Variants in TTC28 observed in about 807,000 individuals in gnomAD.
The protein encoded by TTC28 is tetratricopeptide repeat protein 28.
A neutral mutation model predicts 198.0 loss-of-function variants in TTC28; 61 were observed. The ratio of observed to expected loss-of-function variants is 0.31; its 90% CI spans 0.25 to 0.38. TTC28 has a LOEUF of 0.38. Among genes scored for constraint, TTC28 ranks in the 10% least tolerant of loss-of-function variants. The probability of loss-of-function intolerance (pLI) is 1.00; values close to 1 mark genes in which losing one functional copy is unlikely to be tolerated. For missense variants in TTC28, 2,678 were observed against 3,164.0 expected, an observed-to-expected ratio of 0.85 and a Z score of 3.69; for synonymous variants, 1,171 against 1,297.8, an observed-to-expected ratio of 0.90 and a Z score of 2.10.
chr22:27,996,401 T>C, intron 16 of TTC28, 142 bp from the exon 17 acceptor site: 2 of 1,237,230 alleles, frequency 1.6e-6, no homozygotes, highest in Non-Finnish European at 1.1e-6. Flanking sequence ...CAGGCTGGCC[T>C]GGGGCATCTG....
chr22:28,068,512 C>G (rs912945304), intron 12 of TTC28, among the ~76,000 whole-genome samples: 5 of 152,108 alleles, frequency 3.3e-5, no homozygotes, highest in African/African-American at 9.7e-5. Context: ...TCTTTTTTCC[C>G]TGTTTTTTAG....
intron 6 of TTC28, among the ~76,000 whole-genome samples, chr22:28,143,071 G>A (rs1208420056): frequency 1.3e-5 from 2 of 152,156 alleles, no homozygotes; most frequent in African/African-American, 4.8e-5. Context: ...TGTCACATGT[G>A]AACTGAAGCA....
intron 12 of TTC28, among the ~76,000 whole-genome samples, chr22:28,049,369 A>G (rs1323652066): frequency 6.6e-6 from 1 of 152,246 alleles, no homozygotes. Flanking sequence ...GTGGCTTTGC[A>G]GCAACTGTAA....
intron 6 of TTC28, among the ~76,000 whole-genome samples, chr22:28,144,194 T>C (rs1943406647): frequency 6.6e-6 from 1 of 152,206 alleles, no homozygotes; most frequent in African/African-American, 2.4e-5. Context: ...CTTAATTCTA[T>C]TTTACATCTT....
intron 5 of TTC28, among the ~76,000 whole-genome samples, chr22:28,184,570 T>A (rs997927974): frequency 2.0e-5 from 3 of 152,032 alleles, no homozygotes; most frequent in African/African-American, 4.8e-5. Context: ...GTTACATTTT[T>A]AAATTTTTTT....
At chr22:28,036,830 A>C (rs963978583) in intron 12 of TTC28, among the ~76,000 whole-genome samples, 2 of 152,208 alleles carry the variant, frequency 1.3e-5, no homozygotes, top group African/African-American at 4.8e-5. Flanking sequence ...AAAATGATAA[A>C]GGGGATATCA....
At chr22:28,472,468 C>T (rs970330646) in intron 2 of TTC28, among the ~76,000 whole-genome samples, 2 of 151,320 alleles carry the variant, frequency 1.3e-5, no homozygotes, top group African/African-American at 4.9e-5. Flanking sequence ...TAGACATTTG[C>T]TTACTAATAG....
intron 2 of TTC28, among the ~76,000 whole-genome samples, chr22:28,617,332 G>GAA (rs35868414): frequency 4.1e-5 from 5 of 122,288 alleles, no homozygotes; most frequent in South Asian, 5.4e-4. Context: ...AACTTTTTTT[G>GAA]AAAAAAAAAA....
chr22:28,613,209 T>C (rs6005824), intron 2 of TTC28, among the ~76,000 whole-genome samples: 2,018 of 152,210 alleles, frequency 0.013, 55 homozygotes, highest in African/African-American at 0.046. Flanking sequence ...AAGAAATGGA[T>C]AAATTCCTGG....
At chr22:28,528,333 G>A (rs1370209774) in intron 2 of TTC28, among the ~76,000 whole-genome samples, 1 of 152,116 alleles carries the variant, frequency 6.6e-6, no homozygotes, top group Non-Finnish European at 1.5e-5. Context: ...CTGTTGCAAA[G>A]TTCTTATCTT....
intron 5 of TTC28, among the ~76,000 whole-genome samples, chr22:28,244,116 T>C (rs1013049976): frequency 1.3e-5 from 2 of 152,114 alleles, no homozygotes; most frequent in South Asian, 2.1e-4. Context: ...TCAATAAACA[T>C]GGCAATAAGT....
rs192181787 is a variant in TTC28, at chr22:28,517,212, T to C, written c.381+112340A>G. 2.0e-3 allele frequency among the ~76,000 whole-genome samples: 310 copies of C among 152,328 alleles called. 3 individuals are homozygous for C. Among genetic ancestry groups the C allele is most frequent in the African/African-American group, 6.4e-3 (268 of 41,566 alleles). On this transcript the variant is annotated intron_variant, in intron 2 of 22. Coordinates refer to ENST00000397906, the MANE Select transcript of TTC28 (RefSeq NM_001145418.2). Reference sequence around the variant, plus strand: ...GGTGAGAACATGTGGTGTTTGGTTTTCTGTCCTTGTGATAGTTTGCTGAGA... The same window carrying C: ...GGTGAGAACATGTGGTGTTTGGTTTCCTGTCCTTGTGATAGTTTGCTGAGA...
At chr22:28,432,342 T>A (rs866699987) in intron 2 of TTC28, among the ~76,000 whole-genome samples, 1 of 151,710 alleles carries the variant, frequency 6.6e-6, no homozygotes, top group African/African-American at 2.4e-5. Flanking sequence ...ATAAAATAAA[T>A]AGCAGTAAAA....
intron 12 of TTC28, among the ~76,000 whole-genome samples, chr22:28,060,358 T>C (rs1219649039): frequency 6.6e-6 from 1 of 152,232 alleles, no homozygotes; most frequent in Non-Finnish European, 1.5e-5. Flanking sequence ...TTTGGTTTTC[T>C]GTCCTTGTGA....
Position 28,334,228 on chromosome 22 carries a change from C to T in TTC28, c.382-27585G>A, listed in dbSNP as rs1283048751. Among the ~76,000 whole-genome samples the T allele has an allele frequency of 3.5e-4, 53 of 150,296 alleles. 2 individuals carry two copies. Among genetic ancestry groups the T allele is most frequent in the South Asian group, 2.1e-4 (1 of 4,682 alleles). ...AGTATTCCATGGTGTATATGTGCCACATTTTCTTAATCCAGTCTATCATTG... is the reference window on the plus strand; with the variant it reads ...AGTATTCCATGGTGTATATGTGCCATATTTTCTTAATCCAGTCTATCATTG... On this transcript the variant is annotated intron_variant, in intron 2 of 22. Transcript: ENST00000397906.
At chr22:28,498,674 A>C (rs2048492573) in intron 2 of TTC28, among the ~76,000 whole-genome samples, 1 of 152,198 alleles carries the variant, frequency 6.6e-6, no homozygotes. Flanking sequence ...AGGGAACATG[A>C]GCACTTTAAG....
chr22:28,573,025 G>A (rs1357990095), intron 2 of TTC28, among the ~76,000 whole-genome samples: 2 of 151,944 alleles, frequency 1.3e-5, no homozygotes, highest in African/African-American at 2.4e-5. Context: ...GGGAGGCTGA[G>A]GTGGGAGGAT....
intron 2 of TTC28, among the ~76,000 whole-genome samples, chr22:28,603,276 T>C (rs1283959464): frequency 1.3e-5 from 2 of 152,194 alleles, no homozygotes; most frequent in Non-Finnish European, 2.9e-5. Flanking sequence ...AGAAATAATA[T>C]TTCCACTAAA....
chr22:28,027,855 T>G (rs1938897588), intron 13 of TTC28, among the ~76,000 whole-genome samples: 1 of 152,262 alleles, frequency 6.6e-6, no homozygotes, highest in Admixed American at 6.5e-5. Context: ...CACCTGTTCA[T>G]GGGCAGATCT....
Sources: gnomAD v4.1 joint callset for allele counts (sites outside exome capture counted in the v4.1 genomes callset) on GRCh38, gnomAD v4.1.1 for gene constraint, MANE v1.5 for transcripts, NCBI Gene and HGNC (gene_info 2026-07-23, HGNC 2026-07-21) for gene names.